The following FAM110A variants were observed in gnomAD, a reference collection of about 807,000 sequenced individuals.
The protein encoded by FAM110A is protein FAM110A.
Under a neutral mutation model 4.0 loss-of-function variants are expected in FAM110A, and 1 was observed. The ratio of observed to expected loss-of-function variants is 0.25; its 90% CI spans 0.09 to 1.20. The LOEUF is 1.20. FAM110A is among the 50% of genes most tolerant of loss of function. The pLI, the probability that FAM110A is intolerant of heterozygous loss-of-function variation, is 0.50. For missense variants in FAM110A, 436 were observed against 429.2 expected, an observed-to-expected ratio of 1.02 and a Z score of -0.14; for synonymous variants, 217 against 196.8, an observed-to-expected ratio of 1.10 and a Z score of -0.86.
chr20:843,561 A>G (rs1980064653), intron 1 of FAM110A, among the ~76,000 whole-genome samples: 2 of 152,210 alleles, frequency 1.3e-5, no homozygotes, highest in African/African-American at 4.8e-5. Flanking sequence ...ACGGGTCTAG[A>G]TGGCTTGAAC....
At chr20:835,903 G>A (rs1414747816) in intron 1 of FAM110A, among the ~76,000 whole-genome samples, 1 of 152,180 alleles carries the variant, frequency 6.6e-6, no homozygotes, top group Non-Finnish European at 1.5e-5. Context: ...CCCAAATCTA[G>A]GCCAGGCTTC....
chr20:844,914 C>G lies in FAM110A; in HGVS notation c.110C>G (p.Ala37Gly), dbSNP rs762106069. 1 of 1,569,108 alleles carries G rather than the reference C, an allele frequency of 6.4e-7. No homozygotes were observed. The highest frequency in any genetic ancestry group is 8.6e-7 in the Non-Finnish European group (1 of 1,158,416). Reference sequence around the variant, plus strand: ...CTACGGGGGCCGGCAGATGGTGGAGCCCGGAAACCGAGCGCTGTGGAGCGC... The same window carrying G: ...CTACGGGGGCCGGCAGATGGTGGAGGCCGGAAACCGAGCGCTGTGGAGCGC... ...YLLRGPADGG[A>G]RKPSAVERLE... Residue 37 changes from alanine (A) to glycine (G), a missense_variant, in exon 2 of 2, where the codon GCC becomes GGC. Transcript: ENST00000381941.
At chr20:836,575 T>C (rs1235646281) in intron 1 of FAM110A, among the ~76,000 whole-genome samples, 1 of 152,264 alleles carries the variant, frequency 6.6e-6, no homozygotes, top group Non-Finnish European at 1.5e-5. Context: ...ATTCTAATAT[T>C]CTATGTATAT....
intron 1 of FAM110A, among the ~76,000 whole-genome samples, chr20:838,900 G>T (rs1213088762): frequency 1.3e-5 from 2 of 150,874 alleles, no homozygotes. Context: ...GCTCACTGCA[G>T]GGAGCTTGGA....
Position 840,027 on chromosome 20 carries a change from T to C in FAM110A, c.-97-4681T>C. The C allele has an allele frequency of 1.1e-6, 1 of 915,842 alleles. No homozygotes were observed. The highest frequency in any genetic ancestry group is 1.7e-6 in the Non-Finnish European group (1 of 574,424). 56.7% of individuals were successfully genotyped at this position (915,842 alleles called of 1,614,324 possible). A position where few individuals can be genotyped will look rare whatever the true frequency, so the allele number is the denominator to read the frequency against. On this transcript the variant is annotated intron_variant, in intron 1 of 1. Coordinates refer to ENST00000381941, the MANE Select transcript of FAM110A (RefSeq NM_001042353.3). The surrounding 1 kb of genome is among the most constrained non-coding windows in gnomAD (Gnocchi z 4.4). Reference sequence around the variant, plus strand: ...TGGGGCTGGAAAGGAAGGACTGTTCTTTTCTTTGCTATTACGAAAATCATT... The same window carrying C: ...TGGGGCTGGAAAGGAAGGACTGTTCCTTTCTTTGCTATTACGAAAATCATT...
intron 1 of FAM110A, chr20:839,543 A>G: frequency 9.7e-7 from 1 of 1,032,070 alleles, no homozygotes; most frequent in Middle Eastern, 3.1e-4. Flanking sequence ...TGTCAGCACC[A>G]GGGGGCACAG....
At position 840,163 on chromosome 20, in the gene FAM110A, T is replaced by C. The variant is rs1257292315; in HGVS notation, c.-97-4545T>C. Among the ~76,000 whole-genome samples the C allele has an allele frequency of 6.6e-6, 1 of 152,190 alleles. No individual in the cohort carries two copies. Among genetic ancestry groups the C allele is most frequent in the Non-Finnish European group, 1.5e-5 (1 of 68,028 alleles). On this transcript the variant is annotated intron_variant, in intron 1 of 1. Coordinates refer to ENST00000381941, the MANE Select transcript of FAM110A (RefSeq NM_001042353.3). The surrounding 1 kb of genome is among the most constrained non-coding windows in gnomAD (Gnocchi z 4.4). Reference sequence around the variant, plus strand: ...AGGGCTCAGCAGGCCATTTGGAGGATGAAGGACTTGTTGCCCCGTCCCCTG... The same window carrying C: ...AGGGCTCAGCAGGCCATTTGGAGGACGAAGGACTTGTTGCCCCGTCCCCTG...
chr20:845,146 T>G lies in FAM110A; in HGVS notation c.342T>G (p.Cys114Trp). The change falls in exon 2 of 2, where the codon TGT becomes TGG. Residue 114 changes from cysteine (C) to tryptophan (W), a missense_variant. Coordinates refer to ENST00000381941, the MANE Select transcript of FAM110A (RefSeq NM_001042353.3). ...TCCTCAGCAGCCTCATCGACTTGTG[T>G]GACAGCCCCGTGTCCCCTGCCGAGG... ...LDILSSLIDL[C>W]DSPVSPAEAS... 1 of 1,578,174 alleles carries G rather than the reference T, an allele frequency of 6.3e-7. No homozygotes were observed. The highest frequency in any genetic ancestry group is 8.6e-7 in the Non-Finnish European group (1 of 1,164,362).
chr20:835,186 CTCTCTCTCTCTCTCTA>C (rs1375610527), intron 1 of FAM110A, among the ~76,000 whole-genome samples: 8 of 136,194 alleles, frequency 5.9e-5, no homozygotes, highest in East Asian at 2.0e-4. Flanking sequence ...CTCTCTCTCT[CTCTCTCTCTCTCTCTA>C]TATATATATA....
In FAM110A at chr20:842,174, G is replaced by A. The variant is rs188083674; in HGVS notation, c.-97-2534G>A. ...TCTGTAAAGAGGCGAAGCTGCTTGCGCAAGGCGCACAGCGGGCGGGTGGGC... is the reference window on the plus strand; with the variant it reads ...TCTGTAAAGAGGCGAAGCTGCTTGCACAAGGCGCACAGCGGGCGGGTGGGC... On this transcript the variant is annotated intron_variant, in intron 1 of 1. Transcript: ENST00000381941. Among the ~76,000 whole-genome samples, 666 of 152,322 alleles carry A rather than the reference G, an allele frequency of 4.4e-3. 6 individuals are homozygous for A. The highest frequency in any genetic ancestry group is 0.015 in the African/African-American group (606 of 41,576).
In FAM110A at chr20:845,659, G is replaced by A. The variant is rs1192973678; in HGVS notation, c.855G>A (p.Arg285=). The change falls in exon 2 of 2, where the codon AGG becomes AGA. Residue 285 remains arginine, a synonymous_variant. Transcript: ENST00000381941. ...TGATCAAGTGGTTGTATGGGCTAAG[G>A]CAGGCTCGGGAGAGCCCAGCAGCTG... The part of the protein sequence containing the change: ...ARVIKWLYGL[R]QARESPAAEG 4 of 1,614,104 alleles carry A rather than the reference G, an allele frequency of 2.5e-6. No homozygotes were observed. Among genetic ancestry groups the A allele is most frequent in the Non-Finnish European group, 2.5e-6 (3 of 1,180,046 alleles).
intron 1 of FAM110A, among the ~76,000 whole-genome samples, chr20:837,332 G>A (rs534531994): frequency 1.3e-5 from 2 of 152,290 alleles, no homozygotes; most frequent in East Asian, 3.9e-4. Context: ...TTACAGGCTT[G>A]AGCCACTGCA....
intron 1 of FAM110A, among the ~76,000 whole-genome samples, chr20:842,298 C>T (rs1245680218): frequency 6.6e-6 from 1 of 152,228 alleles, no homozygotes; most frequent in Non-Finnish European, 1.5e-5. Context: ...CAGATGGGGC[C>T]AGAGGGGCTG....
intron 1 of FAM110A, among the ~76,000 whole-genome samples, chr20:835,659 C>T (rs1281092531): frequency 5.3e-5 from 8 of 152,230 alleles, no homozygotes; most frequent in Admixed American, 5.2e-4. Context: ...TTCTCCCTTC[C>T]TAATGTTAGT....
At chr20:841,747 A>AT (rs1333640626) in intron 1 of FAM110A, among the ~76,000 whole-genome samples, 2 of 152,218 alleles carry the variant, frequency 1.3e-5, no homozygotes, top group Admixed American at 1.3e-4. Flanking sequence ...TGGGTGGGGC[A>AT]TTGGGCGGTG....
intron 1 of FAM110A, among the ~76,000 whole-genome samples, chr20:842,417 G>C (rs1180561657): frequency 6.6e-6 from 1 of 152,222 alleles, no homozygotes; most frequent in Non-Finnish European, 1.5e-5. Flanking sequence ...CACTGCGGAC[G>C]GGTTGGACTG....
chr20:844,645 G>T (rs1161317769), intron 1 of FAM110A, 63 bp from the exon 2 acceptor site: 11 of 1,198,088 alleles, frequency 9.2e-6, no homozygotes, highest in Non-Finnish European at 1.2e-5. Context: ...TCTCAGCCGC[G>T]GCTGAGCCTC....
At chr20:841,254 CT>C (rs1279660033) in intron 1 of FAM110A, 2 of 152,272 alleles carry the variant, frequency 1.3e-5, no homozygotes, top group African/African-American at 4.8e-5. Flanking sequence ...GCAAACTCAG[CT>C]TGCCGGAGCC....
chr20:844,907 G>A lies in FAM110A; in HGVS notation c.103G>A (p.Gly35Ser), dbSNP rs1378726800. 7 of 1,565,086 alleles carry A rather than the reference G, an allele frequency of 4.5e-6. No individual in the cohort carries two copies. Among genetic ancestry groups the A allele is most frequent in the Admixed American group, 3.8e-5 (2 of 52,760 alleles). The change falls in exon 2 of 2, where the codon GGT becomes AGT. Residue 35 changes from glycine (G) to serine (S), a missense_variant. Gly to Ser is a moderately conservative substitution (Grantham distance 56). Transcript: ENST00000381941. ...PGYLLRGPADGGARKPSAVER... is the reference protein window; with the variant it reads ...PGYLLRGPADSGARKPSAVER... The stretch of plus-strand genomic sequence containing the variant: ...CTACCTGCTACGGGGGCCGGCAGAT[G>A]GTGGAGCCCGGAAACCGAGCGCTGT...
Sources: gnomAD v4.1 joint callset for allele counts (sites outside exome capture counted in the v4.1 genomes callset) on GRCh38, gnomAD v4.1.1 for gene constraint, Gnocchi (gnomAD v3.1) non-coding constraint, MANE v1.5 for transcripts, NCBI Gene and HGNC (gene_info 2026-07-23, HGNC 2026-07-21) for gene names.